Variants in TOPAZ1 observed in about 807,000 individuals in gnomAD.
TOPAZ1 encodes protein TOPAZ1.
A neutral mutation model predicts 172.2 loss-of-function variants in TOPAZ1; 66 were observed. The ratio of observed to expected loss-of-function variants is 0.38; its 90% confidence interval spans 0.31 to 0.47. The LOEUF is 0.47. TOPAZ1 is among the 20% of genes least tolerant of loss of function. TOPAZ1 has a pLI of 0.99. For missense variants in TOPAZ1, 1,822 were observed against 1,972.4 expected (o/e 0.92, Z 1.44); for synonymous variants, 681 against 683.9 (o/e 1.00, Z 0.07).
chr3:44,296,396 A>C lies in TOPAZ1; in HGVS notation c.3797+5510A>C, dbSNP rs542006879. 5.5e-5 allele frequency among the ~76,000 whole-genome samples: 8 copies of C among 145,856 alleles called. No individual in the cohort carries two copies. In the South Asian group the frequency reaches 1.8e-3, roughly 33 times the overall value. On this transcript the variant is annotated intron_variant, in intron 12 of 19. Transcript: ENST00000309765. ...AAGCTGTTTGTTTGAAAAGATCAATAAAATTAACAAGCCTCTAGCAAGACT... is the reference window on the plus strand; with the variant it reads ...AAGCTGTTTGTTTGAAAAGATCAATCAAATTAACAAGCCTCTAGCAAGACT...
intron 8 of TOPAZ1, among the ~76,000 whole-genome samples, chr3:44,279,180 T>C (rs1699996566): frequency 6.6e-6 from 1 of 152,202 alleles, no homozygotes; most frequent in South Asian, 2.1e-4. Flanking sequence ...TTTTATTGTA[T>C]CTGAGAAGAT....
Position 44,243,533 on chromosome 3 carries a change from A to G in TOPAZ1, c.1027A>G (p.Thr343Ala). 1.3e-6 allele frequency: 2 copies of G among 1,551,554 alleles called. No individual in the cohort carries two copies. Among genetic ancestry groups the G allele is most frequent in the African/African-American group, 1.4e-5 (1 of 73,158 alleles). ...RMKLSEKADETVTEMNFSNEY... is the reference protein window; with the variant it reads ...RMKLSEKADEAVTEMNFSNEY... Reference sequence around the variant, plus strand: ...GAAGTTGTCTGAAAAAGCAGATGAAACAGTTACTGAGATGAACTTCTCTAA... The same window carrying G: ...GAAGTTGTCTGAAAAAGCAGATGAAGCAGTTACTGAGATGAACTTCTCTAA... Residue 343 changes from threonine (T) to alanine (A), a missense_variant, in exon 2 of 20, where the codon ACA becomes GCA. Thr to Ala is a moderately conservative substitution (Grantham distance 58). Transcript: ENST00000309765.
At chr3:44,280,111 CTTTA>C (rs1700006345) in intron 8 of TOPAZ1, among the ~76,000 whole-genome samples, 1 of 152,048 alleles carries the variant, frequency 6.6e-6, no homozygotes, top group African/African-American at 2.4e-5. Flanking sequence ...CTTTATTTCT[CTTTA>C]TTTATGAAGG....
intron 16 of TOPAZ1, among the ~76,000 whole-genome samples, chr3:44,316,755 A>T (rs1371759092): frequency 6.6e-6 from 1 of 152,078 alleles, no homozygotes; most frequent in Non-Finnish European, 1.5e-5. Flanking sequence ...GTTAGTTTTA[A>T]ATTTTGGTAT....
chr3:44,271,138 A>C (rs1418912342), intron 8 of TOPAZ1, among the ~76,000 whole-genome samples: 1 of 152,158 alleles, frequency 6.6e-6, no homozygotes, highest in Admixed American at 6.5e-5. Context: ...TTTGGTGAAC[A>C]TATGTATACG....
chr3:44,312,977 G>T (rs770742302), intron 16 of TOPAZ1, among the ~76,000 whole-genome samples: 15 of 151,978 alleles, frequency 9.9e-5, no homozygotes, highest in Non-Finnish European at 1.6e-4. Flanking sequence ...TTGTTATACC[G>T]ACACTTTTAT....
Position 44,269,471 on chromosome 3 carries a change from CTTTTTTTTTTTTTTTTTT to C in TOPAZ1, c.3246+184_3246+201del, listed in dbSNP as rs71085612. ...CCTTTTGATTGTATTTCCCTATCAT[CTTTTTTTTTTTTTTTTTT>C]TTTTTTTTTTTTTGAGACGGAGTCT... On this transcript the variant is annotated intron_variant, in intron 7 of 19. Coordinates refer to ENST00000309765, the MANE Select transcript of TOPAZ1 (RefSeq NM_001145030.2). Among the ~76,000 whole-genome samples, 42 of 33,916 alleles carry C rather than the reference CTTTTTTTTTTTTTTTTTT, an allele frequency of 1.2e-3. 1 individual carries two copies. Among genetic ancestry groups the C allele is most frequent in the Non-Finnish European group, 2.9e-4 (6 of 20,942 alleles). The allele number at this position is 33,916 out of a possible 152,430, so 22.3% of individuals were successfully genotyped here.
At chr3:44,283,539 AG>A (rs1414890002) in intron 9 of TOPAZ1, among the ~76,000 whole-genome samples, 1 of 152,178 alleles carries the variant, frequency 6.6e-6, no homozygotes, top group Non-Finnish European at 1.5e-5. Flanking sequence ...GTTTAACCAT[AG>A]TTTCTTGTTT....
Position 44,287,432 on chromosome 3 carries a change from A to G in TOPAZ1, c.3480A>G (p.Val1160=). 2 of 1,523,898 alleles carry G rather than the reference A, an allele frequency of 1.3e-6. No homozygotes were observed. The highest frequency in any genetic ancestry group is 1.4e-5 in the African/African-American group (1 of 72,254). The allele number at this position is 1,523,898 out of a possible 1,614,324, so 94.4% of individuals were successfully genotyped here. ...MEYYRKFPPG[V]YFDLQVLNDL... ...ACTACAGAAAGTTTCCCCCAGGTGT[A>G]TACTTTGATTTACAAGTGCTAAATG... The change falls in exon 10 of 20, where the codon GTA becomes GTG. Residue 1160 remains valine, a synonymous_variant. Transcript: ENST00000309765.
intron 2 of TOPAZ1, among the ~76,000 whole-genome samples, chr3:44,249,933 G>A (rs1270141454): frequency 1.3e-5 from 2 of 152,076 alleles, no homozygotes; most frequent in African/African-American, 4.8e-5. Flanking sequence ...TGATCAGTGG[G>A]GATCAGTTAT....
intron 2 of TOPAZ1, among the ~76,000 whole-genome samples, chr3:44,251,485 C>T (rs1189910451): frequency 6.6e-6 from 1 of 152,208 alleles, no homozygotes; most frequent in Admixed American, 6.5e-5. Context: ...CTAAAGCAAT[C>T]ATCTTCCAGC....
chr3:44,295,921 T>C (rs1341669958), intron 12 of TOPAZ1, among the ~76,000 whole-genome samples: 1 of 152,154 alleles, frequency 6.6e-6, no homozygotes, highest in Non-Finnish European at 1.5e-5. Context: ...GCAGAATACA[T>C]ATTCTTTTCA....
In TOPAZ1 at chr3:44,244,079, A is replaced by G; in HGVS notation, c.1573A>G (p.Ser525Gly). 6.4e-7 allele frequency: 1 copy of G among 1,551,722 alleles called. No homozygotes were observed. Among genetic ancestry groups the G allele is most frequent in the Non-Finnish European group, 8.7e-7 (1 of 1,146,968 alleles). ...SSYFLRGSQE[S>G]CRQVDVPKHQ... ...TTACTTTCTTCGTGGGTCTCAGGAA[A>G]GTTGTAGGCAAGTTGATGTCCCTAA... Residue 525 changes from serine (S) to glycine (G), a missense_variant, in exon 2 of 20, where the codon AGT becomes GGT. Ser to Gly is a moderately conservative substitution (Grantham distance 56). This residue lies in a region of TOPAZ1 where 1,489 missense variants were observed against 1,490.8 expected (regional missense o/e 1.00). Coordinates refer to ENST00000309765, the MANE Select transcript of TOPAZ1 (RefSeq NM_001145030.2).
intron 12 of TOPAZ1, 40 bp from the exon 13 acceptor site, chr3:44,303,975 G>A (rs781401727): frequency 8.2e-7 from 1 of 1,223,578 alleles, no homozygotes; most frequent in Non-Finnish European, 1.2e-6. Flanking sequence ...GACTTTTAAG[G>A]GGTGAATATA....
At chr3:44,291,070 C>T (rs73088448) in intron 12 of TOPAZ1, among the ~76,000 whole-genome samples, 184 bp downstream of exon 12, 11,274 of 152,048 alleles carry the variant, frequency 0.074, 534 homozygotes, top group Middle Eastern at 0.12. Flanking sequence ...GCCAGCCTCA[C>T]CTTATTTTTC....
chr3:44,328,272 C>T lies in TOPAZ1; in HGVS notation c.4698C>T (p.Tyr1566=). 6.7e-7 allele frequency: 1 copy of T among 1,503,080 alleles called. No homozygotes were observed. Among genetic ancestry groups the T allele is most frequent in the East Asian group, 2.7e-5 (1 of 37,362 alleles). The allele number at this position is 1,503,080 out of a possible 1,614,324, so 93.1% of individuals were successfully genotyped here. Residue 1566 remains tyrosine, a synonymous_variant, in exon 19 of 20, where the codon TAC becomes TAT. Coordinates refer to ENST00000309765, the MANE Select transcript of TOPAZ1 (RefSeq NM_001145030.2). ...CAGGTGCTCTTTCCTTGGGTTGCTA[C>T]CCACCATTGGAAGGAAATTTATACC... ...HYKSALSLGC[Y]PPLEGNLYRK... is the part of the protein sequence containing the mutation.
downstream of TOPAZ1, among the ~76,000 whole-genome samples, chr3:44,334,192 TA>T (rs1212856395): frequency 6.6e-5 from 10 of 152,298 alleles, no homozygotes; most frequent in Admixed American, 2.0e-4. Context: ...TGCCTGCAGA[TA>T]GTCTGCTTGA....
At chr3:44,269,890 A>C (rs1043000297) in intron 7 of TOPAZ1, among the ~76,000 whole-genome samples, 2 of 152,094 alleles carry the variant, frequency 1.3e-5, no homozygotes, top group African/African-American at 4.8e-5. Context: ...TTGGGCTCCC[A>C]AAGGATTACG....
At chr3:44,245,397 A>G in intron 2 of TOPAZ1, 126 bp downstream of exon 2, 1 of 973,254 alleles carries the variant, frequency 1.0e-6, no homozygotes, top group Non-Finnish European at 1.4e-6. Flanking sequence ...TATTTATTAA[A>G]TGTTATATAC....
Sources: gnomAD v4.1 joint callset for allele counts (sites outside exome capture counted in the v4.1 genomes callset) on GRCh38, gnomAD v4.1.1 for gene constraint, gnomAD v4.1.1 regional missense constraint, MANE v1.5 for transcripts, NCBI Gene and HGNC (gene_info 2026-07-23, HGNC 2026-07-21) for gene names.